Variants in BRI3BP observed in about 807,000 individuals in gnomAD.
BRI3BP encodes the protein BRI3-binding protein.
BRI3BP carries 7 observed loss-of-function variants against 15.8 expected under a neutral mutation model. That is an observed-to-expected ratio of 0.44 (90% CI 0.25 to 0.83). BRI3BP has a LOEUF of 0.83. Ranked by LOEUF, BRI3BP falls within the 40% of genes least tolerant of loss-of-function variation. BRI3BP has a pLI of 0.20. For synonymous variants in BRI3BP, 192 were observed against 163.5 expected, an observed-to-expected ratio of 1.17 and a Z score of -1.33; for missense variants, 320 against 339.3, an observed-to-expected ratio of 0.94 and a Z score of 0.45.
rs1241642428 is a variant in BRI3BP at position 125,026,385 on chromosome 12, C to G, written c.*955C>G. On this transcript the variant is annotated 3_prime_UTR_variant, in exon 3 of 3. Coordinates refer to ENST00000341446, the MANE Select transcript of BRI3BP (RefSeq NM_080626.6). ...AAAACAAACAGTAGCAGCTAATATT[C>G]TCAAGTATATTGCTGCTTAGAAAGA... is the stretch of plus-strand genomic sequence containing the variant. 6.6e-6 allele frequency: 1 copy of G among 151,132 alleles called. No homozygotes were observed. The highest frequency in any genetic ancestry group is 1.5e-5 in the Non-Finnish European group (1 of 67,934). The allele number at this position is 151,132 out of a possible 1,614,324, so 9.4% of individuals were successfully genotyped here. A position where few individuals can be genotyped will look rare whatever the true frequency, so the allele number is the denominator to read the frequency against.
Position 125,025,482 on chromosome 12 carries a change from C to T in BRI3BP, c.*52C>T, listed in dbSNP as rs1955345455. On this transcript the variant is annotated 3_prime_UTR_variant, in exon 3 of 3. Transcript: ENST00000341446. ...GTTACCAGCACGCTGTCTCAGAAAA[C>T]GAAAACGGAGGAAAAAAACCCCAAA... 4 of 1,454,312 alleles carry T rather than the reference C, an allele frequency of 2.8e-6. No individual in the cohort carries two copies. Among genetic ancestry groups the T allele is most frequent in the Admixed American group, 2.7e-5 (1 of 37,246 alleles). 90.1% of individuals were successfully genotyped at this position (1,454,312 alleles called of 1,614,324 possible).
At chr12:124,994,138 C>A in intron 1 of BRI3BP, 135 bp downstream of exon 1, 2 of 551,838 alleles carry the variant, frequency 3.6e-6, no homozygotes, top group Non-Finnish European at 4.9e-6. Context: ...GTCCGGCCTG[C>A]GCCTCGGGGC....
Position 125,028,510 on chromosome 12 carries a change from ACT to A in BRI3BP, c.*3083_*3084del, listed in dbSNP as rs1955376620. On this transcript the variant is annotated 3_prime_UTR_variant, in exon 3 of 3. Transcript: ENST00000341446. ...AAAATATGCACTATTTTTTTTTTCCACTCTGGCTAAGTGTAGGCTCTGAAGCC... is the reference window on the plus strand; with the variant it reads ...AAAATATGCACTATTTTTTTTTTCCACTGGCTAAGTGTAGGCTCTGAAGCC... 1 of 151,744 alleles carries A rather than the reference ACT, an allele frequency of 6.6e-6. No individual in the cohort carries two copies. The highest frequency in any genetic ancestry group is 2.4e-5 in the African/African-American group (1 of 41,314). 9.4% of individuals were successfully genotyped at this position (151,744 alleles called of 1,614,324 possible). A position where few individuals can be genotyped will look rare whatever the true frequency, so the allele number is the denominator to read the frequency against.
chr12:125,014,833 A>G (rs1955229151), intron 2 of BRI3BP, among the ~76,000 whole-genome samples: 1 of 152,072 alleles, frequency 6.6e-6, no homozygotes, highest in African/African-American at 2.4e-5. Context: ...CAGTGGCTCA[A>G]TCACAGCTCA....
At chr12:125,033,642 CAAAAT>C (rs1280076025), downstream of BRI3BP, among the ~76,000 whole-genome samples, 1 of 152,046 alleles carries the variant, frequency 6.6e-6, no homozygotes, top group East Asian at 1.9e-4. Context: ...TCAACCTTGA[CAAAAT>C]AAGCCACTAA....
Position 125,028,867 on chromosome 12 carries a change from T to G in BRI3BP, c.*3437T>G, listed in dbSNP as rs959199980. On this transcript the variant is annotated 3_prime_UTR_variant, in exon 3 of 3. Transcript: ENST00000341446. ...TTTCTCTCTTTTGTATGTGGAAAAA[T>G]GTATTTTTGTACCATATCTCATACC... 1 of 152,112 alleles carries G rather than the reference T, an allele frequency of 6.6e-6. No individual in the cohort carries two copies. Among genetic ancestry groups the G allele is most frequent in the African/African-American group, 2.4e-5 (1 of 41,416 alleles). 9.4% of individuals were successfully genotyped at this position (152,112 alleles called of 1,614,324 possible). A position where few individuals can be genotyped will look rare whatever the true frequency, so the allele number is the denominator to read the frequency against.
the BRI3BP span, among the ~76,000 whole-genome samples, chr12:125,036,829 G>C: frequency 2.8e-4 from 43 of 152,288 alleles, no homozygotes; most frequent in African/African-American, 1.0e-3. Flanking sequence ...AAGAGGAAAA[G>C]ACCAGATACC....
Position 124,993,659 on chromosome 12 carries a change from G to A in BRI3BP, c.-132G>A, listed in dbSNP as rs1594523363. On this transcript the variant is annotated 5_prime_UTR_variant, in exon 1 of 3. Coordinates refer to ENST00000341446, the MANE Select transcript of BRI3BP (RefSeq NM_080626.6). The stretch of plus-strand genomic sequence containing the variant: ...GGGGCGGGGCAGGTGGCGCAGCAGC[G>A]GCGGCGGCGGCTGTGGGTAAAGGCG... 3.1e-4 allele frequency: 105 copies of A among 334,258 alleles called. No individual in the cohort carries two copies. Among genetic ancestry groups the A allele is most frequent in the Non-Finnish European group, 4.0e-4 (94 of 237,450 alleles). The allele number at this position is 334,258 out of a possible 1,614,324, so 20.7% of individuals were successfully genotyped here.
intron 2 of BRI3BP, among the ~76,000 whole-genome samples, chr12:125,017,328 T>TG (rs60179063): frequency 0.22 from 32,765 of 150,988 alleles, 3,783 homozygotes; most frequent in South Asian, 0.38. Flanking sequence ...CCCTAATGTT[T>TG]TTTTTTTATA....
At chr12:125,034,684 G>C (rs1955430272), downstream of BRI3BP, among the ~76,000 whole-genome samples, 1 of 152,014 alleles carries the variant, frequency 6.6e-6, no homozygotes, top group African/African-American at 2.4e-5. Flanking sequence ...CTGCCTCCCA[G>C]TTTCAAGCAA....
intron 2 of BRI3BP, among the ~76,000 whole-genome samples, chr12:125,019,484 T>C (rs1017005096): frequency 3.3e-5 from 5 of 152,062 alleles, no homozygotes; most frequent in African/African-American, 1.2e-4. Flanking sequence ...GAGGGGTGAC[T>C]GTGAGTTCCT....
chr12:125,015,883 C>G (rs1260107448), intron 2 of BRI3BP, among the ~76,000 whole-genome samples: 1 of 152,198 alleles, frequency 6.6e-6, no homozygotes, highest in African/African-American at 2.4e-5. Context: ...CGCACCCTCC[C>G]CCAGATGCAG....
chr12:125,037,654 A>G, the BRI3BP span, among the ~76,000 whole-genome samples: 1 of 99,864 alleles, frequency 1.0e-5, no homozygotes, highest in Non-Finnish European at 2.4e-5. Context: ...TACTAAAAAT[A>G]CAAAAAAATT....
At chr12:125,016,827 T>C (rs1409434938) in intron 2 of BRI3BP, among the ~76,000 whole-genome samples, 5 of 13,166 alleles carry the variant, frequency 3.8e-4, no homozygotes, top group African/African-American at 1.0e-3. Flanking sequence ...CGCCCAGCCT[T>C]TTTTTTTTTT....
rs779388546 is a variant in BRI3BP, at chr12:125,030,663, T to A, written c.*5233T>A. 5.3e-5 allele frequency: 8 copies of A among 152,364 alleles called. No homozygotes were observed. Among genetic ancestry groups the A allele is most frequent in the Non-Finnish European group, 1.0e-4 (7 of 68,036 alleles). 9.4% of individuals were successfully genotyped at this position (152,364 alleles called of 1,614,324 possible). On this transcript the variant is annotated 3_prime_UTR_variant, in exon 3 of 3. Transcript: ENST00000341446. ...TGTGTTCTCATGTCTTTTTGCAGAT[T>A]TAAAGGTTTTATTGTAGTGTCCATT...
At chr12:125,032,637 G>A (rs1405326777), downstream of BRI3BP, among the ~76,000 whole-genome samples, 3 of 152,018 alleles carry the variant, frequency 2.0e-5, no homozygotes, top group Non-Finnish European at 4.4e-5. Context: ...GTGCAGTGGC[G>A]CCTGCCTGTG....
intron 2 of BRI3BP, among the ~76,000 whole-genome samples, chr12:125,013,947 C>T (rs1008374509): frequency 3.3e-5 from 5 of 152,286 alleles, no homozygotes; most frequent in African/African-American, 1.2e-4. Context: ...GTGCTACCCC[C>T]AGCCTTACAC....
intron 1 of BRI3BP, among the ~76,000 whole-genome samples, chr12:124,997,054 C>T (rs963140323): frequency 1.3e-5 from 2 of 151,648 alleles, no homozygotes; most frequent in Non-Finnish European, 2.9e-5. Context: ...CCACCGTGCC[C>T]GGCCTCCCAT....
chr12:125,044,721 A>G, the BRI3BP span, among the ~76,000 whole-genome samples: 1 of 152,090 alleles, frequency 6.6e-6, no homozygotes, highest in Non-Finnish European at 1.5e-5. Flanking sequence ...AAGTGGTGGG[A>G]TTACAGGTAT....
Sources: allele counts gnomAD v4.1 joint callset (sites outside exome capture counted in the v4.1 genomes callset), GRCh38; gene constraint gnomAD v4.1.1; transcripts MANE v1.5; gene names NCBI Gene and HGNC (gene_info 2026-07-23, HGNC 2026-07-21).